The following CRACD variants were observed in gnomAD, a reference collection of about 807,000 sequenced individuals.
The protein encoded by CRACD is capping protein-inhibiting regulator of actin dynamics.
A neutral mutation model predicts 106.8 loss-of-function variants in CRACD; 56 were observed. The ratio of observed to expected loss-of-function variants is 0.52; its 90% CI spans 0.42 to 0.66. The LOEUF (loss-of-function observed/expected upper bound fraction) is 0.66. Among genes scored for constraint, CRACD ranks in the 30% least tolerant of loss-of-function variants. CRACD has a pLI of 0.00. For missense variants in CRACD, 1,730 were observed against 1,623.2 expected, an observed-to-expected ratio of 1.07 and a Z score of -1.13; for synonymous variants, 754 against 670.8, an observed-to-expected ratio of 1.12 and a Z score of -1.92.
At chr4:56,317,666 C>G (rs2109783580) in intron 8 of CRACD, among the ~76,000 whole-genome samples, 2 of 152,220 alleles carry the variant, frequency 1.3e-5, no homozygotes, top group Middle Eastern at 6.8e-3. Flanking sequence ...CTCCATCAGA[C>G]CTATGGATCC....
At chr4:56,265,569 A>G (rs1365987865) in intron 2 of CRACD, among the ~76,000 whole-genome samples, 2 of 152,194 alleles carry the variant, frequency 1.3e-5, no homozygotes, top group African/African-American at 4.8e-5. Context: ...TCCAAGGCCA[A>G]ACAAGGCATC....
intron 2 of CRACD, among the ~76,000 whole-genome samples, chr4:56,223,390 C>T (rs1443270635): frequency 6.6e-6 from 1 of 152,128 alleles, no homozygotes. Flanking sequence ...GATTAATTTT[C>T]CCTTTTCAAG....
At chr4:56,164,173 C>T (rs1288918999) in intron 1 of CRACD, among the ~76,000 whole-genome samples, 6 of 148,230 alleles carry the variant, frequency 4.0e-5, no homozygotes, top group Non-Finnish European at 5.9e-5. Context: ...CTTGCTCTGT[C>T]GCCCAGGCTG....
At chr4:56,210,668 T>C (rs988866137) in intron 2 of CRACD, among the ~76,000 whole-genome samples, 6 of 152,250 alleles carry the variant, frequency 3.9e-5, no homozygotes, top group Admixed American at 2.6e-4. Flanking sequence ...AAGTTCCTAG[T>C]AGTTTAGGTT....
intron 1 of CRACD, among the ~76,000 whole-genome samples, chr4:56,068,302 G>C (rs570293073): frequency 6.6e-6 from 1 of 152,218 alleles, no homozygotes; most frequent in Non-Finnish European, 1.5e-5. Flanking sequence ...GGCCAAGCCT[G>C]CCTGCCAGAT....
chr4:56,100,778 GT>G (rs1166704338), intron 1 of CRACD, among the ~76,000 whole-genome samples: 1 of 152,146 alleles, frequency 6.6e-6, no homozygotes, highest in Non-Finnish European at 1.5e-5. Flanking sequence ...TGGCACCTTG[GT>G]CTTGGACTTC....
At chr4:56,056,307 T>C (rs1158029160) in intron 1 of CRACD, among the ~76,000 whole-genome samples, 1 of 152,148 alleles carries the variant, frequency 6.6e-6, no homozygotes. Flanking sequence ...TTTAGGAAAA[T>C]GCTTTATACT....
chr4:56,306,686 G>C (rs1744732313), intron 4 of CRACD, among the ~76,000 whole-genome samples: 3 of 152,162 alleles, frequency 2.0e-5, no homozygotes, highest in Admixed American at 2.0e-4. Context: ...AGACATTTTT[G>C]CTTTTCTAAT....
intron 8 of CRACD, chr4:56,321,245 G>C: frequency 4.2e-6 from 1 of 237,502 alleles, no homozygotes; most frequent in Non-Finnish European, 8.4e-6. Context: ...GTGTGGACCT[G>C]GGATTGGGGT....
chr4:56,146,398 TTTTTA>T (rs148047936), intron 1 of CRACD, among the ~76,000 whole-genome samples: 147 of 151,188 alleles, frequency 9.7e-4, no homozygotes, highest in Middle Eastern at 3.4e-3. Flanking sequence ...ATGTATCTCT[TTTTTA>T]TTTTATTTTA....
intron 1 of CRACD, among the ~76,000 whole-genome samples, chr4:56,141,559 T>C (rs564474394): frequency 2.0e-5 from 3 of 152,042 alleles, no homozygotes; most frequent in Non-Finnish European, 4.4e-5. Context: ...ATCGTACCAT[T>C]GCATTTCAGC....
intron 1 of CRACD, among the ~76,000 whole-genome samples, chr4:56,099,562 CT>C (rs1733714670): frequency 6.6e-6 from 1 of 152,094 alleles, no homozygotes; most frequent in Admixed American, 6.6e-5. Flanking sequence ...TCCCAGTGTC[CT>C]TTGATGGTTT....
intron 1 of CRACD, among the ~76,000 whole-genome samples, chr4:56,129,046 T>TC (rs908786599): frequency 2.0e-5 from 3 of 151,716 alleles, no homozygotes; most frequent in Non-Finnish European, 4.4e-5. Context: ...ATAAAACCTT[T>TC]TGTTTTTTAA....
In CRACD at chr4:56,316,165, G is replaced by A; in HGVS notation, c.2663G>A (p.Ser888Asn). 3 of 1,614,200 alleles carry A rather than the reference G, an allele frequency of 1.9e-6. No individual in the cohort carries two copies. The highest frequency in any genetic ancestry group is 2.5e-6 in the Non-Finnish European group (3 of 1,180,024). ...GATGCAGGGCCGCCTGCAGCGGGGA[G>A]CGCTCGTGGAGAGAAAGAGATGGAG... ...SADAGPPAAG[S>N]ARGEKEMEGV... The change falls in exon 8 of 11, where the codon AGC becomes AAC. Residue 888 changes from serine (S) to asparagine (N), a missense_variant. Around this residue, in one of 5 missense-constraint regions of CRACD, gnomAD observed 1,620 missense variants for 1,481.6 expected, o/e 1.09. Transcript: ENST00000682029.
At chr4:56,160,572 A>G (rs1397171424) in intron 1 of CRACD, among the ~76,000 whole-genome samples, 1 of 152,346 alleles carries the variant, frequency 6.6e-6, no homozygotes, top group East Asian at 1.9e-4. Context: ...CAGATGCTGC[A>G]TGATGGATCA....
chr4:56,246,387 C>G (rs894805308), intron 2 of CRACD: 1 of 152,156 alleles, frequency 6.6e-6, no homozygotes, highest in African/African-American at 2.4e-5. Context: ...GGGAGGGATG[C>G]ATGCACAGTC....
intron 2 of CRACD, among the ~76,000 whole-genome samples, chr4:56,245,444 GCAAACAAATGCAGAAATGTT>G (rs1740629024): frequency 6.6e-6 from 1 of 152,166 alleles, no homozygotes; most frequent in Non-Finnish European, 1.5e-5. Context: ...ATAACCGAAA[GCAAACAAATGCAGAAATGTT>G]TACTGGTTTT....
In CRACD at chr4:56,329,091, A is replaced by G. The variant is rs1746644549; in HGVS notation, c.*1287A>G. On this transcript the variant is annotated 3_prime_UTR_variant, in exon 11 of 11. Transcript: ENST00000682029. Reference sequence around the variant, plus strand: ...CATCTGAGTTTTAAGTGGCCTTTTTATCATCATACACATGTGCATACAAAG... The same window carrying G: ...CATCTGAGTTTTAAGTGGCCTTTTTGTCATCATACACATGTGCATACAAAG... Among the ~76,000 whole-genome samples the G allele has an allele frequency of 6.6e-6, 1 of 152,218 alleles. No homozygotes were observed. The highest frequency in any genetic ancestry group is 1.5e-5 in the Non-Finnish European group (1 of 68,038).
chr4:56,282,006 G>A (rs888449307), intron 3 of CRACD, among the ~76,000 whole-genome samples: 8 of 152,122 alleles, frequency 5.3e-5, no homozygotes, highest in Non-Finnish European at 4.4e-5. Flanking sequence ...GATAGAATAC[G>A]GAAGTTCAGG....
Sources: gnomAD v4.1 joint callset for allele counts (sites outside exome capture counted in the v4.1 genomes callset) on GRCh38, gnomAD v4.1.1 for gene constraint, gnomAD v4.1.1 regional missense constraint, MANE v1.5 for transcripts, NCBI Gene and HGNC (gene_info 2026-07-23, HGNC 2026-07-21) for gene names.